SRL: variants seen among roughly 807,000 people sequenced by gnomAD.
The protein encoded by SRL is sarcalumenin.
In SRL, 23 loss-of-function variants were observed where a neutral mutation model predicts 39.5. The ratio of observed to expected loss-of-function variants is 0.58; its 90% confidence interval spans 0.42 to 0.82. The LOEUF is 0.82. Ranked by LOEUF, SRL falls within the 40% of genes least tolerant of loss-of-function variation. The pLI is 0.00. For missense variants in SRL, 592 were observed against 607.8 expected (o/e 0.97, Z 0.27); for synonymous variants, 272 against 237.4 (o/e 1.15, Z -1.34).
At chr16:4,203,338 A>G (rs2052264708) in intron 2 of SRL, 77 bp from the exon 3 acceptor site, 10 of 1,228,278 alleles carry the variant, frequency 8.1e-6, no homozygotes, top group Non-Finnish European at 1.2e-5. Context: ...GAGGGGCCTC[A>G]CCACCCAGGG....
chr16:4,235,189 TGAGGCCAGGGGC>T (rs938674113), intron 1 of SRL, among the ~76,000 whole-genome samples: 8 of 152,272 alleles, frequency 5.3e-5, no homozygotes, highest in African/African-American at 1.9e-4. Context: ...AGAAGACAGG[TGAGGCCAGGGGC>T]GAGGTCCCTG....
chr16:4,209,619 G>C (rs2052367920), intron 1 of SRL, among the ~76,000 whole-genome samples: 1 of 152,138 alleles, frequency 6.6e-6, no homozygotes, highest in African/African-American at 2.4e-5. Context: ...TGGCCTCCAG[G>C]GATCAGGAGC....
At chr16:4,211,098 C>T (rs1445678869) in intron 1 of SRL, among the ~76,000 whole-genome samples, 2 of 152,138 alleles carry the variant, frequency 1.3e-5, no homozygotes, top group African/African-American at 4.8e-5. Context: ...CTTCTTGGTC[C>T]CATGCTTCCC....
intron 1 of SRL, among the ~76,000 whole-genome samples, chr16:4,212,911 G>A (rs552879818): frequency 6.6e-5 from 10 of 152,128 alleles, no homozygotes; most frequent in Non-Finnish European, 7.3e-5. Flanking sequence ...CCCTGATTTT[G>A]TTTCTTCAGC....
Position 4,192,664 on chromosome 16 carries a change from T to C in SRL, c.911A>G (p.Gln304Arg), listed in dbSNP as rs761981037. Residue 304 changes from glutamine to arginine, a missense_variant, in exon 6 of 6, where the codon CAG becomes CGG. Physicochemically the swap from Gln to Arg is conservative, Grantham distance 43 (BLOSUM62 1). Coordinates refer to ENST00000399609, the MANE Select transcript of SRL (RefSeq NM_001098814.2). The surrounding 1 kb of genome is among the most constrained non-coding windows in gnomAD (Gnocchi z 4.0). ...WPQEYKPDTH[Q>R]ELFLQEEISL... ...GATCTCTTCTTGGAGGAACAGTTCC[T>C]GATGGGTGTCCGGCTTATACTCTTG... The C allele has an allele frequency of 9.3e-6, 15 of 1,614,128 alleles. No homozygotes were observed. In the South Asian group the frequency reaches 1.6e-4, roughly 18 times the overall value.
rs374098790 is a variant in SRL, at chr16:4,224,734, GA to G, written c.61+17272del. 3.2e-4 allele frequency among the ~76,000 whole-genome samples: 47 copies of G among 148,810 alleles called. 1 individual carries two copies. The highest frequency in any genetic ancestry group is 1.1e-3 in the African/African-American group (44 of 40,678). ...GACCCTATCTCGAGAAAAAAAAAAA[GA>G]AAAAAAAAGGATAAAGTGTCCCCAG... is the stretch of plus-strand genomic sequence containing the variant. On this transcript the variant is annotated intron_variant, in intron 1 of 5. Transcript: ENST00000399609.
Position 4,195,614 on chromosome 16 carries a change from C to T in SRL, c.549G>A (p.Leu183=). The part of the protein sequence containing the change: ...LIGIEVPHKL[L]ERVTFVDTPG... ...GTGTATCCACAAAAGTGACCCTCTC[C>T]AGAAGTTTGTGGGGAACCTCAATGC... The change falls in exon 5 of 6, where the codon CTG becomes CTA. Residue 183 remains leucine, a synonymous_variant. Transcript: ENST00000399609. 6.2e-7 allele frequency: 1 copy of T among 1,614,210 alleles called. No individual in the cohort carries two copies. Among genetic ancestry groups the T allele is most frequent in the Non-Finnish European group, 8.5e-7 (1 of 1,180,056 alleles).
intron 1 of SRL, among the ~76,000 whole-genome samples, chr16:4,208,792 G>T (rs1009827683): frequency 6.6e-6 from 1 of 152,108 alleles, no homozygotes; most frequent in Non-Finnish European, 1.5e-5. Flanking sequence ...ATGGCCTGAG[G>T]AGGAGATATC....
chr16:4,205,556 C>G (rs927864253), intron 1 of SRL, among the ~76,000 whole-genome samples: 1 of 124,940 alleles, frequency 8.0e-6, no homozygotes, highest in Non-Finnish European at 1.7e-5. Context: ...GAAGGCCTCC[C>G]CAGGTCTCTG....
In SRL at chr16:4,192,440, A is replaced by G. The variant is rs920453262; in HGVS notation, c.1135T>C (p.Tyr379His). The part of the protein sequence containing the change: ...KDIVEDPDKF[Y>H]IFKTILAKTN... Reference sequence around the variant, plus strand: ...TTTGCCAGGATGGTCTTGAAGATGTAGAATTTATCGGGATCTTCCACAATG... The same window carrying G: ...TTTGCCAGGATGGTCTTGAAGATGTGGAATTTATCGGGATCTTCCACAATG... Residue 379 changes from tyrosine to histidine, a missense_variant, in exon 6 of 6, where the codon TAC becomes CAC. Transcript: ENST00000399609. This position sits in a 1 kb window ranked among gnomAD's most constrained non-coding sequence, Gnocchi z 4.0. 12 of 1,614,224 alleles carry G rather than the reference A, an allele frequency of 7.4e-6. No individual in the cohort carries two copies. Among genetic ancestry groups the G allele is most frequent in the Non-Finnish European group, 1.0e-5 (12 of 1,180,038 alleles).
intron 1 of SRL, chr16:4,208,001 A>C (rs2052346322): frequency 2.2e-6 from 1 of 456,576 alleles, no homozygotes; most frequent in African/African-American, 2.0e-5. Flanking sequence ...TGTCTGCATA[A>C]AGCGCCCTTT....
chr16:4,215,483 C>T (rs2052447844), intron 1 of SRL, among the ~76,000 whole-genome samples: 1 of 152,180 alleles, frequency 6.6e-6, no homozygotes, highest in South Asian at 2.1e-4. Context: ...GACCAACTGG[C>T]TTGATTTCAC....
At chr16:4,210,484 A>ATTTTTTTTT (rs1307381191) in intron 1 of SRL, among the ~76,000 whole-genome samples, 1 of 68,790 alleles carries the variant, frequency 1.5e-5, no homozygotes, top group African/African-American at 7.8e-5. Context: ...TATTACTCAT[A>ATTTTTTTTT]TCTTTTTTTT....
chr16:4,202,332 G>A (rs903442502), intron 3 of SRL, among the ~76,000 whole-genome samples: 20 of 152,188 alleles, frequency 1.3e-4, no homozygotes, highest in African/African-American at 3.9e-4. Context: ...GGTGGCTCAC[G>A]CTTGTAATCC....
intron 1 of SRL, among the ~76,000 whole-genome samples, chr16:4,231,561 G>T (rs577364830): frequency 6.6e-6 from 1 of 151,894 alleles, no homozygotes; most frequent in South Asian, 2.1e-4. Context: ...CCCGACAACC[G>T]CTCCCCCTTT....
At chr16:4,215,285 C>G (rs2052444818) in intron 1 of SRL, among the ~76,000 whole-genome samples, 1 of 152,248 alleles carries the variant, frequency 6.6e-6, no homozygotes, top group Non-Finnish European at 1.5e-5. Flanking sequence ...GCTTCTTTGG[C>G]TTCCTGGCCA....
intron 1 of SRL, among the ~76,000 whole-genome samples, chr16:4,239,939 G>T (rs922294010): frequency 1.3e-5 from 2 of 150,520 alleles, no homozygotes; most frequent in African/African-American, 5.0e-5. Flanking sequence ...GTGGAAACCG[G>T]GTAAGGCCCC....
intron 1 of SRL, among the ~76,000 whole-genome samples, chr16:4,230,381 A>ATTT (rs5815199): frequency 7.2e-6 from 1 of 138,846 alleles, no homozygotes; most frequent in Non-Finnish European, 1.6e-5. Flanking sequence ...TCAGAATGTG[A>ATTT]TTTTTTTTTT....
In SRL at chr16:4,238,495, G is replaced by A. The variant is rs74610156; in HGVS notation, c.61+3512C>T. ...CGGGTAAAAGCACTGGCCAAGGAGT[G>A]GAAAGGACTGAATTCCAGCTCTGGC... On this transcript the variant is annotated intron_variant, in intron 1 of 5. Coordinates refer to ENST00000399609, the MANE Select transcript of SRL (RefSeq NM_001098814.2). Among the ~76,000 whole-genome samples, 1,492 of 152,320 alleles carry A rather than the reference G, an allele frequency of 9.8e-3. 16 individuals are homozygous for A. The highest frequency in any genetic ancestry group is 0.033 in the African/African-American group (1,385 of 41,568).
Sources: gnomAD v4.1 joint callset for allele counts (sites outside exome capture counted in the v4.1 genomes callset) on GRCh38, gnomAD v4.1.1 for gene constraint, Gnocchi (gnomAD v3.1) non-coding constraint, MANE v1.5 for transcripts, NCBI Gene and HGNC (gene_info 2026-07-23, HGNC 2026-07-21) for gene names.